The following DEPDC1B variants were observed in gnomAD, a reference collection of about 807,000 sequenced individuals.
DEPDC1B encodes DEP domain-containing protein 1B.
A neutral mutation model predicts 66.5 loss-of-function variants in DEPDC1B; 51 were observed. The ratio of observed to expected loss-of-function variants is 0.77; its 90% confidence interval spans 0.61 to 0.97. DEPDC1B has a LOEUF of 0.97. Among genes scored for constraint, DEPDC1B ranks in the 50% least tolerant of loss-of-function variants. The pLI, the probability that DEPDC1B is intolerant of heterozygous loss-of-function variation, is 0.00. For synonymous variants in DEPDC1B, 226 were observed against 223.6 expected (o/e 1.01, Z -0.10); for missense variants, 552 against 637.1 (o/e 0.87, Z 1.44).
chr5:60,646,065 C>G (rs1262528846), intron 3 of DEPDC1B, among the ~76,000 whole-genome samples: 1 of 152,142 alleles, frequency 6.6e-6, no homozygotes, highest in African/African-American at 2.4e-5. Context: ...AAGCAAATAT[C>G]AAGTAAGTGC....
At chr5:60,668,420 G>A (rs892808246) in intron 2 of DEPDC1B, among the ~76,000 whole-genome samples, 3 of 151,142 alleles carry the variant, frequency 2.0e-5, no homozygotes, top group Non-Finnish European at 4.4e-5. Context: ...GACTACAGGT[G>A]TGTTCCACCA....
At chr5:60,610,200 G>A (rs922869746) in intron 7 of DEPDC1B, among the ~76,000 whole-genome samples, 7 of 152,218 alleles carry the variant, frequency 4.6e-5, no homozygotes, top group African/African-American at 1.7e-4. Flanking sequence ...TATTGGGATT[G>A]TAGCCAGAAT....
chr5:60,621,064 C>CCA (rs1752688919), intron 7 of DEPDC1B, among the ~76,000 whole-genome samples: 1 of 151,416 alleles, frequency 6.6e-6, no homozygotes, highest in Non-Finnish European at 1.5e-5. Flanking sequence ...CCACATGTTG[C>CCA]CACTCATAGG....
In DEPDC1B at chr5:60,700,097, G is replaced by A; in HGVS notation, c.-4C>T. On this transcript the variant is annotated 5_prime_UTR_variant, in exon 1 of 11. Coordinates refer to ENST00000265036, the MANE Select transcript of DEPDC1B (RefSeq NM_018369.3). ...GCCCCACGATGCGATGCTCCATGGCGCGTAGGCAGCAGCGGCCGCAGCCGC... is the reference window on the plus strand; with the variant it reads ...GCCCCACGATGCGATGCTCCATGGCACGTAGGCAGCAGCGGCCGCAGCCGC... The A allele has an allele frequency of 1.3e-6, 2 of 1,551,698 alleles. No individual in the cohort carries two copies. The highest frequency in any genetic ancestry group is 1.7e-6 in the Non-Finnish European group (2 of 1,150,456).
intron 2 of DEPDC1B, among the ~76,000 whole-genome samples, chr5:60,659,347 A>G (rs1584074638): frequency 6.6e-6 from 1 of 152,216 alleles, no homozygotes; most frequent in East Asian, 1.9e-4. Flanking sequence ...TTCGCTTGCT[A>G]TTCTGTCCTA....
At chr5:60,620,344 G>A (rs1018259189) in intron 7 of DEPDC1B, among the ~76,000 whole-genome samples, 1 of 152,116 alleles carries the variant, frequency 6.6e-6, no homozygotes, top group Admixed American at 6.5e-5. Flanking sequence ...CCATCAGAGT[G>A]AACAAGCAAC....
intron 7 of DEPDC1B, among the ~76,000 whole-genome samples, chr5:60,611,296 T>C (rs922552945): frequency 1.6e-4 from 25 of 152,320 alleles, no homozygotes; most frequent in African/African-American, 5.5e-4. Context: ...TTCTGACTGC[T>C]CCACCAACAG....
rs182920617 is a variant in DEPDC1B, at chr5:60,680,302, C to T, written c.314+6660G>A. Reference sequence around the variant, plus strand: ...AAGAAGTATAGTGCTGAGTACATCTCTGTAACATCTCATTATTATTATAGG... The same window carrying T: ...AAGAAGTATAGTGCTGAGTACATCTTTGTAACATCTCATTATTATTATAGG... On this transcript the variant is annotated intron_variant, in intron 2 of 10. Coordinates refer to ENST00000265036, the MANE Select transcript of DEPDC1B (RefSeq NM_018369.3). 1.7e-3 allele frequency among the ~76,000 whole-genome samples: 259 copies of T among 152,238 alleles called. 1 individual carries two copies. Among genetic ancestry groups the T allele is most frequent in the Non-Finnish European group, 2.6e-3 (174 of 68,010 alleles).
At chr5:60,603,320 C>T in intron 9 of DEPDC1B, 71 bp downstream of exon 9, 3 of 1,392,234 alleles carry the variant, frequency 2.2e-6, no homozygotes, top group Non-Finnish European at 2.8e-6. Flanking sequence ...TAAAATGCCC[C>T]AAGAAGCCTA....
At chr5:60,659,223 G>A (rs745466935) in intron 2 of DEPDC1B, among the ~76,000 whole-genome samples, 2 of 152,064 alleles carry the variant, frequency 1.3e-5, no homozygotes, top group African/African-American at 2.4e-5. Flanking sequence ...CCCCCATCTT[G>A]AGAGCGGCCC....
intron 6 of DEPDC1B, among the ~76,000 whole-genome samples, chr5:60,640,886 T>C (rs1025583166): frequency 6.6e-6 from 1 of 151,764 alleles, no homozygotes; most frequent in African/African-American, 2.4e-5. Flanking sequence ...AAGTAGATTC[T>C]GAGGGTCAAC....
chr5:60,651,399 G>A (rs1225411502), intron 2 of DEPDC1B, among the ~76,000 whole-genome samples: 1 of 151,994 alleles, frequency 6.6e-6, no homozygotes, highest in Non-Finnish European at 1.5e-5. Flanking sequence ...ATGGTGGCGT[G>A]TGCCTGTAAT....
chr5:60,660,299 C>T (rs948460243), intron 2 of DEPDC1B, among the ~76,000 whole-genome samples: 1 of 123,618 alleles, frequency 8.1e-6, no homozygotes, highest in Non-Finnish European at 1.7e-5. Flanking sequence ...GAGAAAGAGA[C>T]AGGAGAGAGA....
At chr5:60,668,104 G>A (rs1378228824) in intron 2 of DEPDC1B, among the ~76,000 whole-genome samples, 2 of 77,104 alleles carry the variant, frequency 2.6e-5, no homozygotes, top group Admixed American at 1.5e-4. Context: ...TATATAAAAT[G>A]GATATTTTAT....
chr5:60,654,147 T>C (rs1022794664), intron 2 of DEPDC1B, among the ~76,000 whole-genome samples: 1 of 149,110 alleles, frequency 6.7e-6, no homozygotes, highest in Non-Finnish European at 1.5e-5. Context: ...TGAAGAATGA[T>C]GGTGGTATAT....
chr5:60,598,985 T>G, intron 10 of DEPDC1B, 90 bp downstream of exon 10: 3,408 of 1,061,592 alleles, frequency 3.2e-3, no homozygotes, highest in Non-Finnish European at 4.0e-3. Context: ...GCTCAGAAGA[T>G]GAGATTTACA....
At chr5:60,685,285 C>A (rs916481791) in intron 2 of DEPDC1B, among the ~76,000 whole-genome samples, 1 of 151,948 alleles carries the variant, frequency 6.6e-6, no homozygotes, top group Admixed American at 6.6e-5. Context: ...CATGTCTAAA[C>A]GGATTTCATC....
chr5:60,633,153 G>T (rs1752962640), intron 7 of DEPDC1B, among the ~76,000 whole-genome samples: 1 of 152,242 alleles, frequency 6.6e-6, no homozygotes, highest in Admixed American at 6.5e-5. Flanking sequence ...CTTGCCCACA[G>T]TGAGTGCAGA....
At chr5:60,675,903 C>CTT (rs35113345) in intron 2 of DEPDC1B, among the ~76,000 whole-genome samples, 3 of 138,966 alleles carry the variant, frequency 2.2e-5, no homozygotes, top group African/African-American at 5.2e-5. Flanking sequence ...TTTCTTTTTT[C>CTT]TTTTTTTTTT....
Sources: allele counts gnomAD v4.1 joint callset (sites outside exome capture counted in the v4.1 genomes callset), GRCh38; gene constraint gnomAD v4.1.1; transcripts MANE v1.5; gene names NCBI Gene and HGNC (gene_info 2026-07-23, HGNC 2026-07-21).